The following SUSD4 variants were observed in gnomAD, a reference collection of about 807,000 sequenced individuals.
SUSD4 encodes sushi domain containing 4, also known as sushi domain-containing protein 4.
Under a neutral mutation model 50.5 loss-of-function variants are expected in SUSD4, and 41 were observed. That is an observed-to-expected ratio of 0.81 (90% CI 0.63 to 1.05). The LOEUF (loss-of-function observed/expected upper bound fraction) is 1.05, where lower values mean the gene tolerates loss of function less well. Ranked by LOEUF, SUSD4 falls within the 50% of genes least tolerant of loss-of-function variation. The pLI, the probability that SUSD4 is intolerant of heterozygous loss-of-function variation, is 0.00. For missense variants in SUSD4, 580 were observed against 634.7 expected (o/e 0.91, Z 0.93); for synonymous variants, 257 against 257.3 (o/e 1.00, Z 0.01).
chr1:223,358,496 G>C (rs1303159107), intron 2 of SUSD4, among the ~76,000 whole-genome samples: 2 of 152,158 alleles, frequency 1.3e-5, no homozygotes, highest in Non-Finnish European at 2.9e-5. Flanking sequence ...CTAAAGGCAA[G>C]CCTCGTTGGT....
At chr1:223,289,372 T>C (rs765305203) in intron 3 of SUSD4, 18 of 918,306 alleles carry the variant, frequency 2.0e-5, no homozygotes, top group Non-Finnish European at 2.3e-5. Context: ...ATAAATTTAG[T>C]TCACTTGGAA....
At chr1:223,269,360 G>A (rs1448004882) in intron 3 of SUSD4, among the ~76,000 whole-genome samples, 2 of 152,218 alleles carry the variant, frequency 1.3e-5, no homozygotes, top group Non-Finnish European at 2.9e-5. Context: ...GCTGGGGGCT[G>A]GGGGAGGAGA....
At position 223,302,028 on chromosome 1, in the gene SUSD4, T is replaced by C. The variant is rs147038656; in HGVS notation, c.149-9377A>G. 4.1e-3 allele frequency among the ~76,000 whole-genome samples: 619 copies of C among 152,312 alleles called. 2 individuals are homozygous for C. The highest frequency in any genetic ancestry group is 0.014 in the African/African-American group (587 of 41,562). The stretch of plus-strand genomic sequence containing the variant: ...GGCCTGGTGGGAGATGATTGGAACA[T>C]GGGGGTGGTTTCTAATGGTTTAGCA... On this transcript the variant is annotated intron_variant, in intron 2 of 8. Coordinates refer to ENST00000366878, the MANE Select transcript of SUSD4 (RefSeq NM_017982.4).
intron 2 of SUSD4, among the ~76,000 whole-genome samples, chr1:223,328,335 T>C (rs1293420294): frequency 6.6e-6 from 1 of 152,166 alleles, no homozygotes; most frequent in Non-Finnish European, 1.5e-5. Context: ...ACTGGCTTGC[T>C]TAAGGTCTCA....
intron 2 of SUSD4, among the ~76,000 whole-genome samples, chr1:223,325,670 A>G (rs776817259): frequency 2.4e-4 from 37 of 152,220 alleles, no homozygotes; most frequent in Non-Finnish European, 4.0e-4. Context: ...AAATTCAGTA[A>G]AGTCTCAGGT....
At chr1:223,282,776 T>C (rs1663839960) in intron 3 of SUSD4, among the ~76,000 whole-genome samples, 1 of 152,174 alleles carries the variant, frequency 6.6e-6, no homozygotes, top group Non-Finnish European at 1.5e-5. Flanking sequence ...GAGCCTGCAT[T>C]GCCAAGACAA....
At position 223,282,993 on chromosome 1, in the gene SUSD4, C is replaced by T. The variant is rs192371328; in HGVS notation, c.361+9446G>A. 6.8e-4 allele frequency among the ~76,000 whole-genome samples: 104 copies of T among 152,330 alleles called. No homozygotes were observed. In the Middle Eastern group the frequency reaches 0.014, roughly 20 times the overall value. Reference sequence around the variant, plus strand: ...TGACAAAAACTAGCAATGGGGAAAGCATTCTGTATTTAACAAATGGTGCTG... The same window carrying T: ...TGACAAAAACTAGCAATGGGGAAAGTATTCTGTATTTAACAAATGGTGCTG... On this transcript the variant is annotated intron_variant, in intron 3 of 8. Coordinates refer to ENST00000366878, the MANE Select transcript of SUSD4 (RefSeq NM_017982.4).
intron 5 of SUSD4, among the ~76,000 whole-genome samples, chr1:223,233,217 C>G (rs994389398): frequency 6.6e-6 from 1 of 152,116 alleles, no homozygotes; most frequent in African/African-American, 2.4e-5. Flanking sequence ...ATGCATTTTC[C>G]CCTTAAGTAG....
rs566984067 is a variant in SUSD4, at chr1:223,265,936, A to C, written c.536-1118T>G. ...TTGTATGTGTCCCATGCACAGCAGC[A>C]GATGACTGAACCCTTCTCCTAAGCT... On this transcript the variant is annotated intron_variant, in intron 4 of 8. Coordinates refer to ENST00000366878, the MANE Select transcript of SUSD4 (RefSeq NM_017982.4). Among the ~76,000 whole-genome samples the C allele has an allele frequency of 5.2e-5, 8 of 152,382 alleles. No homozygotes were observed. The South Asian group carries it at 1.0e-3, about 20-fold the overall frequency.
At chr1:223,358,606 C>T (rs964803245) in intron 2 of SUSD4, among the ~76,000 whole-genome samples, 10 of 152,228 alleles carry the variant, frequency 6.6e-5, no homozygotes, top group African/African-American at 2.4e-4. Flanking sequence ...GAGAGATCTT[C>T]ACCTACATTT....
Position 223,264,720 on chromosome 1 carries a change from G to A in SUSD4, c.634C>T (p.Pro212Ser). 1 of 1,614,222 alleles carries A rather than the reference G, an allele frequency of 6.2e-7. No homozygotes were observed. The highest frequency in any genetic ancestry group is 8.5e-7 in the Non-Finnish European group (1 of 1,180,046). Residue 212 changes from proline to serine, a missense_variant, in exon 5 of 9, where the codon CCC (proline) becomes TCC (serine). Physicochemically the swap from Pro to Ser is moderately conservative, Grantham distance 74 (BLOSUM62 -1). Transcript: ENST00000366878. ...VGTVISYRCF[P>S]GFKLDGSAYL... is the part of the protein sequence containing the mutation. The stretch of plus-strand genomic sequence containing the variant: ...GCAGACCCATCAAGTTTAAATCCGG[G>A]AAAGCAGCGATAGGAGATCACAGTC...
chr1:223,322,989 G>C (rs1666667905), intron 2 of SUSD4, among the ~76,000 whole-genome samples: 1 of 152,196 alleles, frequency 6.6e-6, no homozygotes, highest in East Asian at 1.9e-4. Context: ...GGATATGATG[G>C]AGAAAGGGTA....
chr1:223,333,036 C>T lies in SUSD4; in HGVS notation c.148+30242G>A, dbSNP rs539990703. Among the ~76,000 whole-genome samples, 13 of 152,220 alleles carry T rather than the reference C, an allele frequency of 8.5e-5. No individual in the cohort carries two copies. In the South Asian group the frequency reaches 1.5e-3, roughly 17 times the overall value. ...AGCACCAGGTGCAGGACCCTCAGAACCTCTTGGCCAAACTCTTTCCTTAGG... is the reference window on the plus strand; with the variant it reads ...AGCACCAGGTGCAGGACCCTCAGAATCTCTTGGCCAAACTCTTTCCTTAGG... On this transcript the variant is annotated intron_variant, in intron 2 of 8. Transcript: ENST00000366878.
intron 3 of SUSD4, among the ~76,000 whole-genome samples, chr1:223,269,379 G>A (rs1010275216): frequency 6.6e-6 from 1 of 152,202 alleles, no homozygotes; most frequent in Non-Finnish European, 1.5e-5. Flanking sequence ...GAATGCCAGT[G>A]AAGGAACGAC....
intron 2 of SUSD4, among the ~76,000 whole-genome samples, chr1:223,301,870 C>T (rs887605622): frequency 3.9e-5 from 6 of 152,204 alleles, no homozygotes; most frequent in African/African-American, 1.2e-4. Flanking sequence ...TGCCAACACA[C>T]ACCTCACCTT....
rs1181437996 is a variant in SUSD4, at chr1:223,363,327, G to T, written c.99C>A (p.Ile33=). The T allele has an allele frequency of 1.2e-6, 2 of 1,610,948 alleles. No homozygotes were observed. Among genetic ancestry groups the T allele is most frequent in the Non-Finnish European group, 1.7e-6 (2 of 1,178,830 alleles). Residue 33 remains isoleucine (I), a synonymous_variant, in exon 2 of 9, where the codon ATC becomes ATA. Transcript: ENST00000366878. ...AGCACAGCGCCAGCTGAAACCACAG[G>T]ATCACGGCCAAGAGTCTCTGGGGGG... ...PQSPQRLLAV[I]LWFQLALCFG...
chr1:223,338,988 T>C (rs995252267), intron 2 of SUSD4, among the ~76,000 whole-genome samples: 8 of 151,912 alleles, frequency 5.3e-5, no homozygotes, highest in African/African-American at 1.7e-4. Flanking sequence ...GTGGGAAGAC[T>C]GTGTGGTGAG....
chr1:223,314,501 T>C (rs1666064798), intron 2 of SUSD4, among the ~76,000 whole-genome samples: 1 of 152,114 alleles, frequency 6.6e-6, no homozygotes, highest in Admixed American at 6.5e-5. Context: ...AATAGGAAGA[T>C]GAGCTGAAAA....
chr1:223,222,924 T>C (rs1299601103), intron 8 of SUSD4, among the ~76,000 whole-genome samples: 1 of 152,098 alleles, frequency 6.6e-6, no homozygotes, highest in Non-Finnish European at 1.5e-5. Flanking sequence ...AGAAATACAT[T>C]CCAGATCATA....
Sources: gnomAD v4.1 joint callset for allele counts (sites outside exome capture counted in the v4.1 genomes callset) on GRCh38, gnomAD v4.1.1 for gene constraint, MANE v1.5 for transcripts, NCBI Gene and HGNC (gene_info 2026-07-23, HGNC 2026-07-21) for gene names.